DCC: variants seen among roughly 807,000 people sequenced by gnomAD.
DCC encodes the protein netrin receptor DCC.
A neutral mutation model predicts 172.5 loss-of-function variants in DCC; 58 were observed. That is an observed-to-expected ratio of 0.34 (90% CI 0.27 to 0.42). The LOEUF (loss-of-function observed/expected upper bound fraction) is 0.42. Ranked by LOEUF, DCC falls within the 10% of genes least tolerant of loss-of-function variation. DCC has a pLI of 1.00. For synonymous variants in DCC, 709 were observed against 644.5 expected (o/e 1.10, Z -1.52); for missense variants, 1,740 against 1,791.0 (o/e 0.97, Z 0.51).
At chr18:52,448,603 G>A (rs1460499963) in intron 1 of DCC, among the ~76,000 whole-genome samples, 1 of 152,172 alleles carries the variant, frequency 6.6e-6, no homozygotes, top group Non-Finnish European at 1.5e-5. Context: ...AGGTAGGTGG[G>A]TGGTGGTGGA....
intron 10 of DCC, 150 bp downstream of exon 10, chr18:53,205,514 G>A (rs949535908): frequency 2.5e-5 from 20 of 799,200 alleles, no homozygotes; most frequent in African/African-American, 5.1e-5. Flanking sequence ...TAGTTTTAAA[G>A]CACTTGTTAT....
chr18:52,937,301 C>T (rs1233107863), intron 5 of DCC, among the ~76,000 whole-genome samples: 1 of 152,074 alleles, frequency 6.6e-6, no homozygotes, highest in Non-Finnish European at 1.5e-5. Flanking sequence ...TTTTCTTCTT[C>T]CTATTAGGTT....
chr18:52,593,218 T>G (rs2033837929), intron 1 of DCC, among the ~76,000 whole-genome samples: 1 of 152,198 alleles, frequency 6.6e-6, no homozygotes, highest in Admixed American at 6.5e-5. Flanking sequence ...TGAACCATTT[T>G]CCAACTTACA....
chr18:52,950,649 G>A (rs780260131), intron 5 of DCC, among the ~76,000 whole-genome samples: 2 of 152,130 alleles, frequency 1.3e-5, no homozygotes, highest in Non-Finnish European at 2.9e-5. Context: ...TATAGGCTGG[G>A]CGTGGTGGCT....
chr18:53,363,282 C>A (rs997708946), intron 15 of DCC, among the ~76,000 whole-genome samples: 2 of 152,154 alleles, frequency 1.3e-5, no homozygotes, highest in African/African-American at 4.8e-5. Flanking sequence ...TAGCAATTTT[C>A]TCCTGTCTGT....
chr18:53,048,858 T>A (rs2042295810), intron 5 of DCC, among the ~76,000 whole-genome samples: 1 of 151,920 alleles, frequency 6.6e-6, no homozygotes. Flanking sequence ...ATTTTTTGAC[T>A]TTTTAATAAT....
intron 22 of DCC, among the ~76,000 whole-genome samples, chr18:53,442,027 T>C (rs1912308592): frequency 6.6e-6 from 1 of 152,252 alleles, no homozygotes; most frequent in Non-Finnish European, 1.5e-5. Context: ...CAATAACTCA[T>C]GCTTCAGCCT....
chr18:53,257,394 A>C (rs569618409), intron 12 of DCC, among the ~76,000 whole-genome samples: 9 of 152,212 alleles, frequency 5.9e-5, no homozygotes, highest in South Asian at 2.1e-4. Context: ...CCCATCAATA[A>C]CTAATTTATT....
intron 5 of DCC, among the ~76,000 whole-genome samples, chr18:52,987,058 A>T (rs989100481): frequency 6.6e-6 from 1 of 152,010 alleles, no homozygotes; most frequent in South Asian, 2.1e-4. Flanking sequence ...CTGACCTCAA[A>T]TGATCCACTG....
At chr18:53,075,491 T>A (rs2042713118) in intron 7 of DCC, among the ~76,000 whole-genome samples, 1 of 151,598 alleles carries the variant, frequency 6.6e-6, no homozygotes, top group Non-Finnish European at 1.5e-5. Flanking sequence ...GATAGATTCA[T>A]AAATATTGAT....
intron 5 of DCC, among the ~76,000 whole-genome samples, chr18:52,955,348 A>G (rs1428009783): frequency 2.0e-5 from 3 of 151,638 alleles, no homozygotes; most frequent in South Asian, 2.1e-4. Context: ...TCACTTAGTA[A>G]TATGCATTTA....
intron 1 of DCC, among the ~76,000 whole-genome samples, chr18:52,387,539 C>T (rs72916968): frequency 0.084 from 12,704 of 151,940 alleles, 708 homozygotes; most frequent in South Asian, 0.15. Flanking sequence ...CTTTCCAATG[C>T]AAGGGAGGGC....
intron 5 of DCC, among the ~76,000 whole-genome samples, chr18:52,996,995 A>G (rs1215557955): frequency 1.3e-5 from 2 of 152,138 alleles, no homozygotes; most frequent in African/African-American, 4.8e-5. Context: ...CTCAGACTCC[A>G]GAAAAGGAGC....
chr18:52,697,874 T>A lies in DCC; in HGVS notation c.92-54180T>A, dbSNP rs143840539. On this transcript the variant is annotated intron_variant, in intron 1 of 28. Coordinates refer to ENST00000442544, the MANE Select transcript of DCC (RefSeq NM_005215.4). Reference sequence around the variant, plus strand: ...GAATCTATTTTGGATTTAACAGACATCTTCTTATATTTTTCTATATTTTTC... The same window carrying A: ...GAATCTATTTTGGATTTAACAGACAACTTCTTATATTTTTCTATATTTTTC... 4.9e-3 allele frequency among the ~76,000 whole-genome samples: 747 copies of A among 152,320 alleles called. 8 individuals carry two copies. The highest frequency in any genetic ancestry group is 0.015 in the South Asian group (72 of 4,830).
intron 5 of DCC, among the ~76,000 whole-genome samples, chr18:52,945,895 C>T (rs761795442): frequency 4.7e-4 from 71 of 152,214 alleles, no homozygotes; most frequent in Non-Finnish European, 7.3e-4. Flanking sequence ...TTTGCAGAAT[C>T]ATCTGAATTC....
chr18:53,365,801 T>C (rs1599069858), intron 15 of DCC, among the ~76,000 whole-genome samples: 1 of 152,302 alleles, frequency 6.6e-6, no homozygotes, highest in East Asian at 1.9e-4. Context: ...GGTTGATTGC[T>C]CAGGAAATTT....
At chr18:53,079,246 T>C (rs1015860586) in intron 7 of DCC, among the ~76,000 whole-genome samples, 1 of 151,986 alleles carries the variant, frequency 6.6e-6, no homozygotes, top group Non-Finnish European at 1.5e-5. Flanking sequence ...TTTGATCTCA[T>C]GAATTCCATG....
chr18:53,412,249 C>T (rs1315796184), intron 20 of DCC, among the ~76,000 whole-genome samples: 1 of 152,098 alleles, frequency 6.6e-6, no homozygotes, highest in Admixed American at 6.6e-5. Context: ...ATATTGTCTA[C>T]CCTAAATGTC....
chr18:53,157,218 C>A, intron 7 of DCC, 138 bp from the exon 8 acceptor site: 1 of 1,008,470 alleles, frequency 9.9e-7, no homozygotes, highest in South Asian at 1.3e-5. Flanking sequence ...TGTGTGCATT[C>A]CCTTGGTTTT....
Sources: allele counts gnomAD v4.1 joint callset (sites outside exome capture counted in the v4.1 genomes callset), GRCh38; gene constraint gnomAD v4.1.1; transcripts MANE v1.5; gene names NCBI Gene and HGNC (gene_info 2026-07-23, HGNC 2026-07-21).